The following RABL6 variants were observed in gnomAD, a reference collection of about 807,000 sequenced individuals.
RABL6 encodes rab-like protein 6.
In RABL6, 28 loss-of-function variants were observed where a neutral mutation model predicts 72.9. The observed-to-expected ratio is 0.38, with a 90% CI of 0.28 to 0.53. The LOEUF (loss-of-function observed/expected upper bound fraction) is 0.53. Ranked by LOEUF, RABL6 falls within the 20% of genes least tolerant of loss-of-function variation. The pLI, the probability that RABL6 is intolerant of heterozygous loss-of-function variation, is 0.80. For missense variants in RABL6, 1,029 were observed against 1,008.4 expected (o/e 1.02, Z -0.28); for synonymous variants, 477 against 421.2 (o/e 1.13, Z -1.62).
intron 4 of RABL6, among the ~76,000 whole-genome samples, chr9:136,828,960 G>A (rs1848414946): frequency 6.6e-6 from 1 of 152,196 alleles, no homozygotes; most frequent in Non-Finnish European, 1.5e-5. Flanking sequence ...CTCTCCGTGC[G>A]GTGCCTCCCA....
intron 1 of RABL6, among the ~76,000 whole-genome samples, chr9:136,818,037 GGGCAACAGAACA>G (rs1848155396): frequency 6.8e-6 from 1 of 146,360 alleles, no homozygotes; most frequent in African/African-American, 2.6e-5. Flanking sequence ...ACTCCAGCCT[GGGCAACAGAACA>G]AGACTCCATC....
rs746533828 is a variant in RABL6, at chr9:136,840,135, G to A, written c.1931-19G>A. On this transcript the variant is annotated intron_variant, in intron 13 of 14. Transcript: ENST00000311502. Reference sequence around the variant, plus strand: ...CCCGTTGGCCTGAGTTTGAGCCACTGTCTGTCCTGTCTGTGCAGGTAAGGA... The same window carrying A: ...CCCGTTGGCCTGAGTTTGAGCCACTATCTGTCCTGTCTGTGCAGGTAAGGA... The A allele has an allele frequency of 1.2e-6, 2 of 1,612,872 alleles. No homozygotes were observed. The highest frequency in any genetic ancestry group is 1.7e-6 in the Non-Finnish European group (2 of 1,179,826).
At chr9:136,833,954 C>T (rs1247774201) in intron 7 of RABL6, 2 of 1,544,140 alleles carry the variant, frequency 1.3e-6, no homozygotes, top group Non-Finnish European at 1.8e-6. Context: ...CTGCTCCATT[C>T]CCTAATGGTT....
Position 136,828,492 on chromosome 9 carries a change from A to G in RABL6, c.314-2A>G. Reference sequence around the variant, plus strand: ...CGTAATTTTTGTTTGTTTTTAAATAAGGAAAATGCAAAAAGCGAGGCGACG... The same window carrying G: ...CGTAATTTTTGTTTGTTTTTAAATAGGGAAAATGCAAAAAGCGAGGCGACG... On this transcript the variant is annotated splice_acceptor_variant, in intron 3 of 14. Transcript: ENST00000311502. LOFTEE classifies it high-confidence loss of function. 3.7e-6 allele frequency: 6 copies of G among 1,613,086 alleles called. No homozygotes were observed. Among genetic ancestry groups the G allele is most frequent in the Non-Finnish European group, 5.1e-6 (6 of 1,179,766 alleles).
Position 136,831,787 on chromosome 9 carries a change from A to G in RABL6, c.525A>G (p.Gly175=), listed in dbSNP as rs2811748. The G allele has an allele frequency of 0.86, 1,386,190 of 1,613,294 alleles. 596,808 individuals are homozygous for G. The highest frequency in any genetic ancestry group is 0.88 in the African/African-American group (66,118 of 74,994). ...VPTHVPVCVL[G]NYRDMGEHRV... is the part of the protein sequence containing the mutation. Reference sequence around the variant, plus strand: ...CCCACGTGCCAGTGTGCGTGCTGGGAAACTACCGGGACATGGGCGAGCACC... The same window carrying G: ...CCCACGTGCCAGTGTGCGTGCTGGGGAACTACCGGGACATGGGCGAGCACC... Residue 175 remains glycine, a synonymous_variant, in exon 6 of 15, where the codon GGA becomes GGG. Transcript: ENST00000311502.
At chr9:136,815,226 G>A in intron 1 of RABL6, 1 of 305,668 alleles carries the variant, frequency 3.3e-6, no homozygotes, top group South Asian at 3.2e-5. Flanking sequence ...GCCAGGAGCT[G>A]CTGCCAGTGC....
intron 12 of RABL6, 86 bp downstream of exon 12, chr9:136,839,572 A>C (rs1263325368): frequency 3.2e-5 from 50 of 1,551,984 alleles, no homozygotes; most frequent in Admixed American, 7.2e-5. Flanking sequence ...CAGTGGGAGG[A>C]GGCTTCTGGA....
intron 1 of RABL6, 30 bp downstream of exon 1, chr9:136,808,356 AGCGCCGCGCGGGT>A: frequency 6.8e-7 from 1 of 1,473,494 alleles, no homozygotes; most frequent in Non-Finnish European, 9.0e-7. Flanking sequence ...GGGGCGCGGG[AGCGCCGCGCGGGT>A]CTCCGAACCC....
chr9:136,834,288 T>C, intron 7 of RABL6: 35 of 1,057,900 alleles, frequency 3.3e-5, no homozygotes, highest in Non-Finnish European at 4.0e-5. Context: ...AAGGTTTTTC[T>C]TGGAGAAATA....
intron 2 of RABL6, 75 bp downstream of exon 2, chr9:136,823,734 A>G (rs1427323578): frequency 1.3e-6 from 2 of 1,482,558 alleles, no homozygotes; most frequent in South Asian, 2.7e-5. Context: ...TGGGAGATGC[A>G]TTCCCCAGAG....
Position 136,823,408 on chromosome 9 carries a change from A to G in RABL6, c.131-117A>G, listed in dbSNP as rs1848285241. The G allele has an allele frequency of 2.2e-6, 3 of 1,382,512 alleles. No individual in the cohort carries two copies. In the East Asian group the frequency reaches 7.4e-5, roughly 34 times the overall value. The allele number at this position is 1,382,512 out of a possible 1,614,324, so 85.6% of individuals were successfully genotyped here. A position where few individuals can be genotyped will look rare whatever the true frequency, so the allele number is the denominator to read the frequency against. ...CCTGCCGGTCACCTGGTCTGATTCT[A>G]GCAAGAAAGATGAAACAGGTGGCAG... is the stretch of plus-strand genomic sequence containing the variant. On this transcript the variant is annotated intron_variant, in intron 1 of 14. Transcript: ENST00000311502.
chr9:136,837,571 T>C lies in RABL6; in HGVS notation c.1035T>C (p.Pro345=), dbSNP rs1372242705. 2.1e-6 allele frequency: 3 copies of C among 1,452,286 alleles called. No homozygotes were observed. The highest frequency in any genetic ancestry group is 2.8e-6 in the Non-Finnish European group (3 of 1,088,278). 90.0% of individuals were successfully genotyped at this position (1,452,286 alleles called of 1,614,324 possible). A position where few individuals can be genotyped will look rare whatever the true frequency, so the allele number is the denominator to read the frequency against. ...CACCCTCAGAGGCCCTGCCCCCACC[T>C]GCGTGCCCCTCAGCCCCCGCCCCAC... The part of the protein sequence containing the change: ...PVPPSEALPP[P]ACPSAPAPRR... The change falls in exon 9 of 15, where the codon CCT becomes CCC. Residue 345 remains proline (P), a synonymous_variant. Transcript: ENST00000311502.
At position 136,841,154 on chromosome 9, in the gene RABL6, C is replaced by T; in HGVS notation, c.*632C>T. ...CGGGAGGCACTCCTCCCAAACACTCCACTCAGACCATAAAGCACTCCTGTT... is the reference window on the plus strand; with the variant it reads ...CGGGAGGCACTCCTCCCAAACACTCTACTCAGACCATAAAGCACTCCTGTT... On this transcript the variant is annotated 3_prime_UTR_variant, in exon 15 of 15. Coordinates refer to ENST00000311502, the MANE Select transcript of RABL6 (RefSeq NM_024718.5). 1 of 845,704 alleles carries T rather than the reference C, an allele frequency of 1.2e-6. No individual in the cohort carries two copies. The allele number at this position is 845,704 out of a possible 1,614,324, so 52.4% of individuals were successfully genotyped here. A position where few individuals can be genotyped will look rare whatever the true frequency, so the allele number is the denominator to read the frequency against.
At chr9:136,836,915 C>G (rs1848593336) in intron 8 of RABL6, 1 of 340,190 alleles carries the variant, frequency 2.9e-6, no homozygotes, top group South Asian at 2.3e-5. Context: ...GCTCTGTCGC[C>G]CAGGCTGGAG....
rs962827295 is a variant in RABL6 at position 136,823,579 on chromosome 9, G to T, written c.185G>T (p.Arg62Leu). Reference protein sequence around the residue: ...RNTGKTALWHRLQGRPFVEEY... With the variant: ...RNTGKTALWHLLQGRPFVEEY... ...ACGGGCAAGACAGCGCTGTGGCACC[G>T]CCTGCAGGGCCGGCCGTTCGTGGAG... The change falls in exon 2 of 15, where the codon CGC becomes CTC. Residue 62 changes from arginine (R) to leucine (L), a missense_variant. Around this residue, in one of 2 missense-constraint regions of RABL6, gnomAD observed 434 missense variants for 536.1 expected, o/e 0.81. Transcript: ENST00000311502. The T allele has an allele frequency of 1.2e-6, 2 of 1,613,710 alleles. No individual in the cohort carries two copies. Among genetic ancestry groups the T allele is most frequent in the Non-Finnish European group, 8.5e-7 (1 of 1,179,844 alleles).
rs955663023 is a variant in RABL6, at chr9:136,831,659, T to A, written c.459-62T>A. The A allele has an allele frequency of 3.7e-6, 6 of 1,600,702 alleles. No individual in the cohort carries two copies. In the African/African-American group the frequency reaches 8.0e-5, roughly 21 times the overall value. ...CTCGGGCCTGGGCGCACAGCACCTT[T>A]CCAGGGAGGGACAGGGCGTCGCAGG... On this transcript the variant is annotated intron_variant, in intron 5 of 14. Transcript: ENST00000311502.
In RABL6 at chr9:136,837,879, G is replaced by C. The variant is rs2811741; in HGVS notation, c.1144G>C (p.Glu382Gln). The change falls in exon 10 of 15, where the codon GAG (glutamate) becomes CAG (glutamine). Residue 382 changes from glutamate (E) to glutamine (Q), a missense_variant. By Grantham distance (29) the Glu-to-Gln change is conservative. Around this residue, in one of 2 missense-constraint regions of RABL6, gnomAD observed 434 missense variants for 536.1 expected, o/e 0.81. Transcript: ENST00000311502. ...GTTCACAGAGCCAGTCCCGGCCGCA[G>C]AGGGCCCAGCAACGGTCCAGAGTGT... Reference protein sequence around the residue: ...PPPPEPVPAAEGPATVQSVED... With the variant: ...PPPPEPVPAAQGPATVQSVED... 0.81 allele frequency: 1,253,164 copies of C among 1,549,846 alleles called. 507,339 individuals are homozygous for C. The highest frequency in any genetic ancestry group is 0.88 in the East Asian group (35,919 of 40,980).
intron 8 of RABL6, chr9:136,836,275 G>A (rs149114860): frequency 0.012 from 1,941 of 168,252 alleles, 17 homozygotes; most frequent in Admixed American, 0.022. Flanking sequence ...CGATAGCAGA[G>A]GGCGGCTCAG....
In RABL6 at chr9:136,839,667, C is replaced by T. The variant is rs765799217; in HGVS notation, c.1759-27C>T. On this transcript the variant is annotated intron_variant, in intron 12 of 14. Transcript: ENST00000311502. ...CCTGGGGGTGTGGGAGGGATGATGG[C>T]CTGACCAGTTGCTCTCCCTGCTCCA... 9.6e-6 allele frequency: 15 copies of T among 1,564,284 alleles called. No homozygotes were observed. In the South Asian group the frequency reaches 1.2e-4, roughly 13 times the overall value.
Sources: allele counts gnomAD v4.1 joint callset (sites outside exome capture counted in the v4.1 genomes callset), GRCh38; gene constraint gnomAD v4.1.1; regional missense constraint gnomAD v4.1.1; transcripts MANE v1.5; gene names NCBI Gene and HGNC (gene_info 2026-07-23, HGNC 2026-07-21).